The following LRRFIP2 variants were observed in gnomAD, a reference collection of about 807,000 sequenced individuals.
LRRFIP2 encodes the protein LRR binding FLII interacting protein 2, also known as leucine-rich repeat flightless-interacting protein 2.
A neutral mutation model predicts 125.9 loss-of-function variants in LRRFIP2; 109 were observed. The ratio of observed to expected loss-of-function variants is 0.87; its 90% confidence interval spans 0.74 to 1.01. The LOEUF is 1.01. Ranked by LOEUF, LRRFIP2 falls within the 50% of genes least tolerant of loss-of-function variation. The probability of loss-of-function intolerance (pLI) is 0.00; values close to 1 mark genes in which losing one functional copy is unlikely to be tolerated. For synonymous variants in LRRFIP2, 291 were observed against 293.1 expected (o/e 0.99, Z 0.07); for missense variants, 850 against 862.3 (o/e 0.99, Z 0.18).
Position 37,072,501 on chromosome 3 carries a change from CAAAAAAA to C in LRRFIP2, c.1464+282_1464+288del, listed in dbSNP as rs907848276. On this transcript the variant is annotated intron_variant, in intron 21 of 27. Transcript: ENST00000336686. ...TGGGCAACAGAGTGAGACTCCGTCT[CAAAAAAA>C]AAAAAAAAAAAAAAAAAAGAATCCT... is the stretch of plus-strand genomic sequence containing the variant. Among the ~76,000 whole-genome samples the C allele has an allele frequency of 4.3e-4, 15 of 34,486 alleles. No individual in the cohort carries two copies. In the East Asian group the frequency reaches 8.3e-3, roughly 19 times the overall value. 22.6% of individuals were successfully genotyped at this position (34,486 alleles called of 152,430 possible). A position where few individuals can be genotyped will look rare whatever the true frequency, so the allele number is the denominator to read the frequency against.
At chr3:37,111,158 T>C in intron 8 of LRRFIP2, 93 bp from the exon 9 acceptor site, 1 of 859,336 alleles carries the variant, frequency 1.2e-6, no homozygotes, top group East Asian at 2.6e-5. Context: ...AAAGGCAAAA[T>C]ATGATATTGC....
intron 20 of LRRFIP2, 98 bp downstream of exon 20, chr3:37,074,926 T>A (rs1267020413): frequency 1.3e-5 from 10 of 770,466 alleles, no homozygotes; most frequent in Non-Finnish European, 2.2e-5. Flanking sequence ...AGAGACAAAC[T>A]CTGATGCATC....
chr3:37,087,444 T>C (rs952489081), intron 18 of LRRFIP2, among the ~76,000 whole-genome samples: 4 of 152,134 alleles, frequency 2.6e-5, no homozygotes, highest in Non-Finnish European at 4.4e-5. Context: ...TATAATACAA[T>C]AAATAAGACA....
At chr3:37,092,280 C>A (rs959580892) in intron 17 of LRRFIP2, among the ~76,000 whole-genome samples, 4 of 152,200 alleles carry the variant, frequency 2.6e-5, no homozygotes, top group African/African-American at 9.6e-5. Flanking sequence ...GATTTATGTC[C>A]GAAATAACTG....
intron 19 of LRRFIP2, among the ~76,000 whole-genome samples, chr3:37,080,422 AAAAT>A (rs2092536263): frequency 6.6e-6 from 1 of 151,874 alleles, no homozygotes; most frequent in Admixed American, 6.6e-5. Flanking sequence ...AAAATTTAAA[AAAAT>A]AAATAAAATA....
At chr3:37,119,574 CAAG>C (rs1219336069) in intron 6 of LRRFIP2, among the ~76,000 whole-genome samples, 2 of 152,126 alleles carry the variant, frequency 1.3e-5, no homozygotes, top group Non-Finnish European at 2.9e-5. Context: ...GCCATAAATA[CAAG>C]AAGAGGATTA....
chr3:37,164,408 T>C (rs192618176), intron 1 of LRRFIP2, among the ~76,000 whole-genome samples: 1 of 152,306 alleles, frequency 6.6e-6, no homozygotes, highest in African/African-American at 2.4e-5. Flanking sequence ...TTAATAACAT[T>C]ATTTTTTAAA....
chr3:37,093,605 G>T (rs1049089900), intron 17 of LRRFIP2, among the ~76,000 whole-genome samples: 1 of 152,098 alleles, frequency 6.6e-6, no homozygotes, highest in Non-Finnish European at 1.5e-5. Context: ...GAACCACAGG[G>T]TTACTGAACT....
At position 37,065,827 on chromosome 3, in the gene LRRFIP2, G is replaced by A. The variant is rs1204474862; in HGVS notation, c.1682C>T (p.Ala561Val). The change falls in exon 23 of 28, where the codon GCA becomes GTA. Residue 561 changes from alanine to valine, a missense_variant. Transcript: ENST00000336686. ...SQEAAQVLESAGEGPLDVRLR... is the reference protein window; with the variant it reads ...SQEAAQVLESVGEGPLDVRLR... ...TATCTTACCTAATGGCCCTTCTCCT[G>A]CTGACTCCAAGACCTGAGCAGCTTC... The A allele has an allele frequency of 6.2e-7, 1 of 1,614,100 alleles. No homozygotes were observed. The highest frequency in any genetic ancestry group is 8.5e-7 in the Non-Finnish European group (1 of 1,179,996).
chr3:37,063,879 ATAT>A (rs2089460314), intron 23 of LRRFIP2, 88 bp from the exon 24 acceptor site: 1 of 845,524 alleles, frequency 1.2e-6, no homozygotes, highest in East Asian at 2.4e-5. Context: ...TAAACAGCTA[ATAT>A]TATCTGATAA....
chr3:37,121,677 C>A lies in LRRFIP2; in HGVS notation c.243G>T (p.Arg81Ser), dbSNP rs1465523254. 1.9e-6 allele frequency: 3 copies of A among 1,614,016 alleles called. No homozygotes were observed. The highest frequency in any genetic ancestry group is 1.7e-6 in the Non-Finnish European group (2 of 1,179,980). ...GACTGGACCGGTGGGAATACCTGGC[C>A]CTTTCCGAATCTTCCTGGGAAAGGA... is the stretch of plus-strand genomic sequence containing the variant. Reference protein sequence around the residue: ...QIQKWLEDSERARYSHRSSHH... With the variant: ...QIQKWLEDSESARYSHRSSHH... The change falls in exon 5 of 28, where the codon AGG becomes AGT. Residue 81 changes from arginine to serine, a missense_variant. Physicochemically the swap from Arg to Ser is moderately radical, Grantham distance 110. Coordinates refer to ENST00000336686, the MANE Select transcript of LRRFIP2 (RefSeq NM_006309.4).
At chr3:37,093,334 C>T (rs553232469) in intron 17 of LRRFIP2, 6 of 152,782 alleles carry the variant, frequency 3.9e-5, no homozygotes, top group Admixed American at 3.9e-4. Flanking sequence ...CCTGGACTCT[C>T]CTCTCACCCA....
chr3:37,135,003 CA>C, intron 2 of LRRFIP2: 1 of 1,518,946 alleles, frequency 6.6e-7, no homozygotes, highest in Non-Finnish European at 9.1e-7. Context: ...GATCCAAACC[CA>C]GATGACCCCC....
intron 1 of LRRFIP2, among the ~76,000 whole-genome samples, chr3:37,165,166 C>T (rs1418018990): frequency 2.0e-5 from 3 of 150,644 alleles, no homozygotes; most frequent in South Asian, 2.1e-4. Flanking sequence ...ACCTGGGAGG[C>T]GGAGCTTCCA....
intron 1 of LRRFIP2, among the ~76,000 whole-genome samples, chr3:37,171,646 A>G (rs1405624336): frequency 6.6e-6 from 1 of 152,214 alleles, no homozygotes; most frequent in East Asian, 1.9e-4. Flanking sequence ...CTAGTTTGCA[A>G]AAGGATTTTT....
intron 19 of LRRFIP2, among the ~76,000 whole-genome samples, chr3:37,078,286 TA>T (rs1559737435): frequency 6.6e-6 from 1 of 152,168 alleles, no homozygotes; most frequent in Non-Finnish European, 1.5e-5. Context: ...AAGTAACTTC[TA>T]AAAACAATAG....
chr3:37,142,148 C>CTT lies in LRRFIP2; in HGVS notation c.90+6744_90+6745dup, dbSNP rs1006144645. Among the ~76,000 whole-genome samples, 291 of 129,712 alleles carry CTT rather than the reference C, an allele frequency of 2.2e-3. 3 individuals are homozygous for CTT. Among genetic ancestry groups the CTT allele is most frequent in the African/African-American group, 5.2e-3 (176 of 33,562 alleles). The allele number at this position is 129,712 out of a possible 152,430, so 85.1% of individuals were successfully genotyped here. A position where few individuals can be genotyped will look rare whatever the true frequency, so the allele number is the denominator to read the frequency against. On this transcript the variant is annotated intron_variant, in intron 2 of 27. Coordinates refer to ENST00000336686, the MANE Select transcript of LRRFIP2 (RefSeq NM_006309.4). ...GGTGGTTGACCCAACATTTTTCCTACTTTTTTTTTTTTTTTTTTTTGAGAC... is the reference window on the plus strand; with the variant it reads ...GGTGGTTGACCCAACATTTTTCCTACTTTTTTTTTTTTTTTTTTTTTTGAGAC...
At chr3:37,114,952 T>C in intron 7 of LRRFIP2, 102 bp downstream of exon 7, 1 of 933,264 alleles carries the variant, frequency 1.1e-6, no homozygotes, top group Non-Finnish European at 1.7e-6. Context: ...TCCCCAAAAG[T>C]TCATAACAAA....
At chr3:37,129,180 CAACAAA>C in intron 2 of LRRFIP2, 31 bp from the exon 3 acceptor site, 1 of 1,592,720 alleles carries the variant, frequency 6.3e-7, no homozygotes. Context: ...CAGCTTTATA[CAACAAA>C]AACAAAAACA....
Sources: allele counts gnomAD v4.1 joint callset (sites outside exome capture counted in the v4.1 genomes callset), GRCh38; gene constraint gnomAD v4.1.1; transcripts MANE v1.5; gene names NCBI Gene and HGNC (gene_info 2026-07-23, HGNC 2026-07-21).